The following PEX5L variants were observed in gnomAD, a reference collection of about 807,000 sequenced individuals.
PEX5L encodes the protein peroxisomal biogenesis factor 5 like, also known as PEX5-related protein.
In PEX5L, 30 loss-of-function variants were observed where a neutral mutation model predicts 84.0. The observed-to-expected ratio is 0.36, with a 90% CI of 0.27 to 0.48. PEX5L has a LOEUF of 0.48. Among genes scored for constraint, PEX5L ranks in the 20% least tolerant of loss-of-function variants. The pLI, the probability that PEX5L is intolerant of heterozygous loss-of-function variation, is 0.99. For synonymous variants in PEX5L, 270 were observed against 283.1 expected, an observed-to-expected ratio of 0.95 and a Z score of 0.46; for missense variants, 533 against 754.6, an observed-to-expected ratio of 0.71 and a Z score of 3.44.
chr3:179,847,099 A>G (rs1739745722), intron 8 of PEX5L, among the ~76,000 whole-genome samples: 1 of 147,272 alleles, frequency 6.8e-6, no homozygotes, highest in South Asian at 2.2e-4. Context: ...ATATATATAT[A>G]TGTATATCCA....
intron 8 of PEX5L, among the ~76,000 whole-genome samples, chr3:179,845,209 T>G (rs2108370617): frequency 6.6e-6 from 1 of 152,318 alleles, no homozygotes; most frequent in African/African-American, 2.4e-5. Context: ...TATATTCTGA[T>G]TTTTTGGGGC....
intron 8 of PEX5L, among the ~76,000 whole-genome samples, chr3:179,823,887 G>A (rs1729393727): frequency 6.6e-6 from 1 of 152,080 alleles, no homozygotes; most frequent in Non-Finnish European, 1.5e-5. Context: ...GAAGATCTTA[G>A]CACAGAATCA....
At chr3:180,024,202 T>G (rs1046079353) in intron 1 of PEX5L, among the ~76,000 whole-genome samples, 1 of 151,636 alleles carries the variant, frequency 6.6e-6, no homozygotes, top group African/African-American at 2.4e-5. Flanking sequence ...AGCCTGTAAC[T>G]GAATGGGAAG....
chr3:180,003,247 G>A (rs9855039), intron 1 of PEX5L, among the ~76,000 whole-genome samples: 3,448 of 152,218 alleles, frequency 0.023, 154 homozygotes, highest in African/African-American at 0.079. Flanking sequence ...CCTATCATGT[G>A]AAACATGGAA....
chr3:179,827,420 TTG>T (rs1730940621), intron 8 of PEX5L, among the ~76,000 whole-genome samples: 2 of 152,124 alleles, frequency 1.3e-5, no homozygotes, highest in South Asian at 4.1e-4. Context: ...AAGAATCTGT[TTG>T]TGAGTGAGTG....
In PEX5L at chr3:179,953,443, G is replaced by T. The variant is rs1288778945; in HGVS notation, c.93+18151C>A. 2.0e-5 allele frequency among the ~76,000 whole-genome samples: 3 copies of T among 152,138 alleles called. No homozygotes were observed. The East Asian group carries it at 5.8e-4, about 29-fold the overall frequency. ...CCATCAAAAAGTGGGCGAAGGATAT[G>T]AACAGACACTTCTCAAAAGTTTTTT... On this transcript the variant is annotated intron_variant, in intron 2 of 14. Coordinates refer to ENST00000467460, the MANE Select transcript of PEX5L (RefSeq NM_016559.3).
At chr3:179,915,605 G>GT (rs1766774143) in intron 2 of PEX5L, among the ~76,000 whole-genome samples, 1 of 152,168 alleles carries the variant, frequency 6.6e-6, no homozygotes, top group African/African-American at 2.4e-5. Flanking sequence ...CAGGAGGAAG[G>GT]TAGAGAGCAT....
chr3:179,865,942 T>C (rs1218767032), intron 7 of PEX5L, among the ~76,000 whole-genome samples: 11 of 152,198 alleles, frequency 7.2e-5, no homozygotes, highest in Admixed American at 6.6e-4. Flanking sequence ...AATGTAGGCA[T>C]TTCTTTTCTC....
intron 1 of PEX5L, among the ~76,000 whole-genome samples, chr3:179,986,922 T>C (rs2110353150): frequency 6.6e-6 from 1 of 152,288 alleles, no homozygotes; most frequent in South Asian, 2.1e-4. Context: ...GGTCAACAGC[T>C]CTTTATTACT....
chr3:179,957,583 A>G (rs1234812659), intron 2 of PEX5L, among the ~76,000 whole-genome samples: 1 of 152,230 alleles, frequency 6.6e-6, no homozygotes, highest in Non-Finnish European at 1.5e-5. Flanking sequence ...AAGAAAGGTC[A>G]GCTCCTGTAG....
chr3:179,985,107 C>T (rs537856254), intron 1 of PEX5L, among the ~76,000 whole-genome samples: 6 of 152,338 alleles, frequency 3.9e-5, no homozygotes, highest in African/African-American at 1.2e-4. Flanking sequence ...TATTGAGACA[C>T]CTTTTGGATT....
At chr3:179,838,426 A>G (rs1735812160) in intron 8 of PEX5L, among the ~76,000 whole-genome samples, 1 of 152,236 alleles carries the variant, frequency 6.6e-6, no homozygotes, top group Non-Finnish European at 1.5e-5. Context: ...GACCTTTACT[A>G]TAGCTTCTCT....
chr3:180,027,774 T>C (rs1416064410), intron 1 of PEX5L, among the ~76,000 whole-genome samples: 1 of 152,230 alleles, frequency 6.6e-6, no homozygotes, highest in African/African-American at 2.4e-5. Context: ...CATTTAGTTG[T>C]CATATCTCTT....
intron 5 of PEX5L, 135 bp from the exon 6 acceptor site, chr3:179,875,612 C>A: frequency 1.6e-6 from 1 of 619,204 alleles, no homozygotes; most frequent in Non-Finnish European, 2.7e-6. Flanking sequence ...AAATCTTATC[C>A]AAGGGAGCTT....
intron 3 of PEX5L, among the ~76,000 whole-genome samples, chr3:179,897,816 CTTAA>C (rs1313667892): frequency 2.0e-5 from 3 of 151,792 alleles, no homozygotes; most frequent in Admixed American, 1.3e-4. Context: ...GTACTGTTAG[CTTAA>C]TTGTTATTTC....
At chr3:179,887,932 GA>G in intron 3 of PEX5L, 148 bp from the exon 4 acceptor site, 1 of 679,842 alleles carries the variant, frequency 1.5e-6, no homozygotes, top group Non-Finnish European at 2.5e-6. Context: ...GGGCAAGAAA[GA>G]AAAAATATCA....
At chr3:179,889,187 A>G (rs1466518797) in intron 3 of PEX5L, among the ~76,000 whole-genome samples, 1 of 152,134 alleles carries the variant, frequency 6.6e-6, no homozygotes, top group Non-Finnish European at 1.5e-5. Flanking sequence ...ATATTACTCT[A>G]CTCACCTTCG....
rs142157226 is a variant in PEX5L at position 180,012,393 on chromosome 3, A to G, written c.21+24186T>C. On this transcript the variant is annotated intron_variant, in intron 1 of 14. Coordinates refer to ENST00000467460, the MANE Select transcript of PEX5L (RefSeq NM_016559.3). Reference sequence around the variant, plus strand: ...TTTTTGTATTCTTGCTTTTTATGGGAAAGAGGCAAATAACCCTCCCTCTTC... The same window carrying G: ...TTTTTGTATTCTTGCTTTTTATGGGGAAGAGGCAAATAACCCTCCCTCTTC... 9.9e-5 allele frequency among the ~76,000 whole-genome samples: 15 copies of G among 152,240 alleles called. 1 individual carries two copies. The highest frequency in any genetic ancestry group is 2.9e-4 in the African/African-American group (12 of 41,538).
intron 3 of PEX5L, among the ~76,000 whole-genome samples, chr3:179,891,274 T>C (rs1487610903): frequency 2.0e-5 from 3 of 152,182 alleles, no homozygotes; most frequent in African/African-American, 4.8e-5. Flanking sequence ...TGTGGCTTTC[T>C]TCCACAAATT....
Sources: allele counts gnomAD v4.1 joint callset (sites outside exome capture counted in the v4.1 genomes callset), GRCh38; gene constraint gnomAD v4.1.1; transcripts MANE v1.5; gene names NCBI Gene and HGNC (gene_info 2026-07-23, HGNC 2026-07-21).